ARHGEF3: variants seen among roughly 807,000 people sequenced by gnomAD.
ARHGEF3 encodes Rho guanine nucleotide exchange factor 3.
A neutral mutation model predicts 63.2 loss-of-function variants in ARHGEF3; 28 were observed. The ratio of observed to expected loss-of-function variants is 0.44; its 90% CI spans 0.33 to 0.61. The LOEUF (loss-of-function observed/expected upper bound fraction) is 0.61. Among genes scored for constraint, ARHGEF3 ranks in the 20% least tolerant of loss-of-function variants. The pLI is 0.03. For synonymous variants in ARHGEF3, 266 were observed against 254.2 expected (o/e 1.05, Z -0.44); for missense variants, 533 against 659.3 (o/e 0.81, Z 2.10).
rs141304517 is a variant in ARHGEF3, at chr3:56,870,605, T to C, written c.192+11687A>G. On this transcript the variant is annotated intron_variant, in intron 4 of 12. Transcript: ENST00000338458. ...GTACAAAACCACAAGTGAACTCTAATGTAAACTATAAACTTTGGTTGAAAG... is the reference window on the plus strand; with the variant it reads ...GTACAAAACCACAAGTGAACTCTAACGTAAACTATAAACTTTGGTTGAAAG... 1.6e-3 allele frequency among the ~76,000 whole-genome samples: 239 copies of C among 152,284 alleles called. 1 individual carries two copies. Among genetic ancestry groups the C allele is most frequent in the African/African-American group, 5.5e-3 (228 of 41,572 alleles).
intron 2 of ARHGEF3, among the ~76,000 whole-genome samples, chr3:56,756,771 G>A (rs1005563118): frequency 1.3e-5 from 2 of 152,018 alleles, no homozygotes; most frequent in Non-Finnish European, 2.9e-5. Flanking sequence ...GGATGCTCTC[G>A]ATTTCCTGAC....
chr3:56,729,591 A>G lies in ARHGEF3; in HGVS notation c.1260T>C (p.Asn420=), dbSNP rs6765444. ...GCGAGTGGGTCTGACTTTGGGATCC[A>G]TTTTTGAAACTGACTCTGAAGAAGT... ...IKNFFRVSFK[N]GSQSQTHSLQ... Residue 420 remains asparagine, a synonymous_variant, in exon 10 of 10, where the codon AAT becomes AAC. Coordinates refer to ENST00000296315, the MANE Select transcript of ARHGEF3 (RefSeq NM_019555.3). 274,455 of 1,603,456 alleles carry G rather than the reference A, an allele frequency of 0.17. 27,277 individuals are homozygous for G. The highest frequency in any genetic ancestry group is 0.38 in the South Asian group (34,557 of 90,184).
chr3:56,791,865 T>C (rs1309868867), intron 1 of ARHGEF3, among the ~76,000 whole-genome samples: 1 of 73,788 alleles, frequency 1.4e-5, no homozygotes, highest in Non-Finnish European at 2.3e-5. Context: ...AATAGCAAAA[T>C]TAAAAAAAAA....
intron 3 of ARHGEF3, among the ~76,000 whole-genome samples, chr3:56,948,259 A>G (rs1268388055): frequency 6.6e-6 from 1 of 152,170 alleles, no homozygotes; most frequent in Non-Finnish European, 1.5e-5. Flanking sequence ...GCTAGCAGAA[A>G]GCAAGAAATA....
rs752830540 is a variant in ARHGEF3 at position 57,014,099 on chromosome 3, C to T, written c.62+20989G>A. ...GAGACCACGAACCCGCCAGGAGGAA[C>T]GAACAACTCCAGACGTGACCCCTTA... On this transcript the variant is annotated intron_variant, in intron 2 of 12. Coordinates refer to the ARHGEF3 transcript ENST00000338458. Among the ~76,000 whole-genome samples the T allele has an allele frequency of 3.9e-5, 6 of 151,904 alleles. No individual in the cohort carries two copies. The East Asian group carries it at 5.8e-4, about 15-fold the overall frequency.
intron 1 of ARHGEF3, among the ~76,000 whole-genome samples, chr3:57,078,079 C>T (rs114015500): frequency 0.015 from 2,258 of 152,258 alleles, 63 homozygotes; most frequent in African/African-American, 0.052. Flanking sequence ...TACCCTGCCC[C>T]AGTCAGTATT....
At chr3:57,004,975 T>A (rs12186038) in intron 2 of ARHGEF3, among the ~76,000 whole-genome samples, 21,283 of 150,182 alleles carry the variant, frequency 0.14, 1,997 homozygotes, top group Non-Finnish European at 0.2. Flanking sequence ...TAAATAAATA[T>A]ATATATATAT....
At chr3:56,955,359 C>CT (rs34156670) in intron 3 of ARHGEF3, among the ~76,000 whole-genome samples, 30,054 of 151,664 alleles carry the variant, frequency 0.2, 3,400 homozygotes, top group Middle Eastern at 0.38. Context: ...TCACGCCCAG[C>CT]TAATTTTGGG....
chr3:57,067,267 C>T (rs1035849356), intron 1 of ARHGEF3, among the ~76,000 whole-genome samples: 5 of 151,620 alleles, frequency 3.3e-5, no homozygotes, highest in African/African-American at 4.8e-5. Context: ...CTGGCTAACA[C>T]GGTGAAACCC....
intron 8 of ARHGEF3, among the ~76,000 whole-genome samples, chr3:56,734,565 T>C (rs760108608): frequency 2.0e-5 from 3 of 152,198 alleles, no homozygotes; most frequent in Non-Finnish European, 2.9e-5. Context: ...CCTGCACATA[T>C]ACCCCCTGCA....
intron 3 of ARHGEF3, among the ~76,000 whole-genome samples, chr3:56,892,257 GAAAA>G (rs968315066): frequency 6.7e-6 from 1 of 148,904 alleles, no homozygotes; most frequent in East Asian, 1.9e-4. Flanking sequence ...AATTGTCCCA[GAAAA>G]AAAAAATACG....
At chr3:56,944,525 G>A (rs544753081) in intron 3 of ARHGEF3, among the ~76,000 whole-genome samples, 29 of 151,686 alleles carry the variant, frequency 1.9e-4, no homozygotes, top group African/African-American at 4.4e-4. Context: ...AAGCTTGAAC[G>A]GATGGGGAGT....
At chr3:57,048,957 C>T (rs1560161245) in intron 1 of ARHGEF3, among the ~76,000 whole-genome samples, 1 of 152,166 alleles carries the variant, frequency 6.6e-6, no homozygotes, top group Non-Finnish European at 1.5e-5. Flanking sequence ...GCGTTAAGAG[C>T]CTACAGGTGT....
At chr3:57,073,640 C>A (rs78659815) in intron 1 of ARHGEF3, 3 of 1,554,132 alleles carry the variant, frequency 1.9e-6, no homozygotes, top group Admixed American at 1.9e-5. Flanking sequence ...GGATTGGCTC[C>A]GGCCAAGTGC....
chr3:57,066,222 T>C (rs1226646031), intron 1 of ARHGEF3, among the ~76,000 whole-genome samples: 3 of 151,810 alleles, frequency 2.0e-5, no homozygotes, highest in Non-Finnish European at 4.4e-5. Context: ...CTCCTATCTG[T>C]ACCAACAGCA....
chr3:56,978,591 T>A (rs765106028), intron 2 of ARHGEF3, among the ~76,000 whole-genome samples: 1 of 152,222 alleles, frequency 6.6e-6, no homozygotes, highest in Non-Finnish European at 1.5e-5. Context: ...AACTTCTATA[T>A]GGGCATATCA....
intron 2 of ARHGEF3, among the ~76,000 whole-genome samples, chr3:57,022,591 T>C (rs1485908645): frequency 1.3e-5 from 2 of 152,218 alleles, no homozygotes; most frequent in Non-Finnish European, 2.9e-5. Context: ...TGAATGTTGG[T>C]GGCATGCTTG....
chr3:56,902,438 TG>T (rs1370355207), intron 3 of ARHGEF3, among the ~76,000 whole-genome samples: 1 of 152,114 alleles, frequency 6.6e-6, no homozygotes, highest in African/African-American at 2.4e-5. Context: ...CAGCTCACAG[TG>T]GGAGGCAGGC....
At chr3:56,790,250 G>A (rs1055012420) in intron 1 of ARHGEF3, among the ~76,000 whole-genome samples, 1 of 152,232 alleles carries the variant, frequency 6.6e-6, no homozygotes, top group African/African-American at 2.4e-5. Context: ...TGGGCATAAA[G>A]CATTCAGAGA....
Sources: allele counts gnomAD v4.1 joint callset (sites outside exome capture counted in the v4.1 genomes callset), GRCh38; gene constraint gnomAD v4.1.1; transcripts MANE v1.5; gene names NCBI Gene and HGNC (gene_info 2026-07-23, HGNC 2026-07-21).